BRINP1: variants seen among roughly 807,000 people sequenced by gnomAD.
BRINP1 encodes BMP/retinoic acid-inducible neural-specific protein 1.
Under a neutral mutation model 72.9 loss-of-function variants are expected in BRINP1, and 17 were observed. The observed-to-expected ratio is 0.23, with a 90% CI of 0.16 to 0.35. BRINP1 has a LOEUF of 0.35. BRINP1 is among the 10% of genes least tolerant of loss of function. The probability of loss-of-function intolerance (pLI) is 1.00; values close to 1 mark genes in which losing one functional copy is unlikely to be tolerated. For synonymous variants in BRINP1, 418 were observed against 378.5 expected, an observed-to-expected ratio of 1.10 and a Z score of -1.21; for missense variants, 850 against 1,001.6, an observed-to-expected ratio of 0.85 and a Z score of 2.04.
chr9:119,184,847 T>G (rs983959090), intron 7 of BRINP1, among the ~76,000 whole-genome samples: 2 of 152,144 alleles, frequency 1.3e-5, no homozygotes, highest in Non-Finnish European at 2.9e-5. Flanking sequence ...AAATTTATAC[T>G]GTTAATCTTC....
At chr9:119,263,550 C>T (rs575783446) in intron 2 of BRINP1, among the ~76,000 whole-genome samples, 1 of 148,628 alleles carries the variant, frequency 6.7e-6, no homozygotes. Context: ...ATCTATTTTT[C>T]TCATCTCTAA....
At chr9:119,301,675 C>T (rs1830940677) in intron 2 of BRINP1, among the ~76,000 whole-genome samples, 1 of 152,096 alleles carries the variant, frequency 6.6e-6, no homozygotes, top group East Asian at 1.9e-4. Flanking sequence ...GTATATTATA[C>T]CCATGTCTGT....
chr9:119,306,603 C>T (rs16908223), intron 2 of BRINP1, among the ~76,000 whole-genome samples: 16,801 of 152,154 alleles, frequency 0.11, 1,198 homozygotes, highest in African/African-American at 0.19. Context: ...TGGTCTAAGC[C>T]GGTTTTTAAT....
chr9:119,293,263 T>C (rs1246680761), intron 2 of BRINP1, among the ~76,000 whole-genome samples: 1 of 151,964 alleles, frequency 6.6e-6, no homozygotes, highest in Non-Finnish European at 1.5e-5. Context: ...AATTAGTAAA[T>C]GGAAAAATCT....
At chr9:119,205,662 C>T (rs1829846980) in intron 7 of BRINP1, among the ~76,000 whole-genome samples, 1 of 152,132 alleles carries the variant, frequency 6.6e-6, no homozygotes, top group Non-Finnish European at 1.5e-5. Context: ...CAGCTACCCT[C>T]CTTCTAAAAT....
chr9:119,294,551 CATTGATG>C (rs1370125566), intron 2 of BRINP1, among the ~76,000 whole-genome samples: 1 of 150,066 alleles, frequency 6.7e-6, no homozygotes, highest in Admixed American at 6.7e-5. Flanking sequence ...CGACAAAACA[CATTGATG>C]AAGGAAATTT....
At chr9:119,245,893 A>G (rs879662642) in intron 3 of BRINP1, among the ~76,000 whole-genome samples, 2 of 151,740 alleles carry the variant, frequency 1.3e-5, no homozygotes, top group Non-Finnish European at 2.9e-5. Context: ...ATTTATATTC[A>G]GACAGAAAAG....
intron 5 of BRINP1, among the ~76,000 whole-genome samples, chr9:119,232,971 T>C (rs556023165): frequency 6.6e-6 from 1 of 152,252 alleles, no homozygotes; most frequent in Non-Finnish European, 1.5e-5. Flanking sequence ...CCTCTGATCA[T>C]TCTCATGATG....
intron 1 of BRINP1, among the ~76,000 whole-genome samples, chr9:119,323,625 A>G (rs1831211985): frequency 6.6e-6 from 1 of 152,230 alleles, no homozygotes; most frequent in Non-Finnish European, 1.5e-5. Context: ...AACACCCCCA[A>G]AGAAATGCTG....
rs138551219 is a variant in BRINP1 at position 119,299,443 on chromosome 9, G to A, written c.218+13695C>T. ...AGCCTGACCAACATGGAGAAACCCC[G>A]TCTCTACTAAAAATACAAAATTAGC... On this transcript the variant is annotated intron_variant, in intron 2 of 7. Transcript: ENST00000265922. Among the ~76,000 whole-genome samples the A allele has an allele frequency of 3.4e-3, 521 of 151,898 alleles. 4 individuals are homozygous for A. Among genetic ancestry groups the A allele is most frequent in the African/African-American group, 0.012 (499 of 41,452 alleles).
intron 6 of BRINP1, among the ~76,000 whole-genome samples, chr9:119,210,395 G>T (rs1332456): frequency 0.15 from 22,953 of 152,050 alleles, 2,164 homozygotes; most frequent in Admixed American, 0.26. Flanking sequence ...TGCTTACATA[G>T]CTCTTGACAG....
At chr9:119,230,689 A>G (rs1830140580) in intron 5 of BRINP1, among the ~76,000 whole-genome samples, 1 of 152,054 alleles carries the variant, frequency 6.6e-6, no homozygotes, top group Non-Finnish European at 1.5e-5. Context: ...AAAAGGTCAA[A>G]GAAGAGGAAG....
chr9:119,213,914 T>C lies in BRINP1; in HGVS notation c.922+5A>G. The C allele has an allele frequency of 1.2e-6, 2 of 1,611,062 alleles. No individual in the cohort carries two copies. Among genetic ancestry groups the C allele is most frequent in the Non-Finnish European group, 8.5e-7 (1 of 1,177,210 alleles). On this transcript the variant is annotated splice_donor_5th_base_variant and intron_variant, in intron 6 of 7. Coordinates refer to ENST00000265922, the MANE Select transcript of BRINP1 (RefSeq NM_014618.3). ...CATGCAGTGGCACTGAGTGAGACTC[T>C]CTACCTGAATTCTCCAGGTCCTTAT...
intron 1 of BRINP1, among the ~76,000 whole-genome samples, chr9:119,324,776 T>C (rs947101686): frequency 3.3e-5 from 5 of 152,172 alleles, no homozygotes; most frequent in Non-Finnish European, 7.3e-5. Flanking sequence ...TACTGATTGC[T>C]ACATGTGTAT....
At chr9:119,280,581 C>T (rs751302490) in intron 2 of BRINP1, among the ~76,000 whole-genome samples, 4 of 151,980 alleles carry the variant, frequency 2.6e-5, no homozygotes, top group Non-Finnish European at 4.4e-5. Context: ...TGAATCAAAC[C>T]CAATTGAGAT....
At chr9:119,249,594 T>C (rs777508707) in intron 2 of BRINP1, among the ~76,000 whole-genome samples, 3 of 152,130 alleles carry the variant, frequency 2.0e-5, no homozygotes, top group African/African-American at 4.8e-5. Flanking sequence ...ACACTAGCCC[T>C]GTGCCAGGGG....
At chr9:119,308,148 G>C (rs894319658) in intron 2 of BRINP1, among the ~76,000 whole-genome samples, 2 of 152,116 alleles carry the variant, frequency 1.3e-5, no homozygotes, top group Admixed American at 6.6e-5. Flanking sequence ...GACTATGAGA[G>C]TCATCATGGA....
chr9:119,341,977 A>G (rs1831410873), intron 1 of BRINP1, among the ~76,000 whole-genome samples: 1 of 152,084 alleles, frequency 6.6e-6, no homozygotes, highest in South Asian at 2.1e-4. Flanking sequence ...CATGTTGGCC[A>G]GGCTGCTCTC....
At chr9:119,199,680 CCAG>C (rs1829783574) in intron 7 of BRINP1, among the ~76,000 whole-genome samples, 1 of 152,058 alleles carries the variant, frequency 6.6e-6, no homozygotes, top group Admixed American at 6.6e-5. Flanking sequence ...TTAAAAAAAC[CCAG>C]GTGATAGCCA....
Sources: allele counts gnomAD v4.1 joint callset (sites outside exome capture counted in the v4.1 genomes callset), GRCh38; gene constraint gnomAD v4.1.1; transcripts MANE v1.5; gene names NCBI Gene and HGNC (gene_info 2026-07-23, HGNC 2026-07-21).